The following ARAP3 variants were observed in gnomAD, a reference collection of about 807,000 sequenced individuals.
ARAP3 encodes ArfGAP with RhoGAP domain, ankyrin repeat and PH domain 3, also known as arf-GAP with Rho-GAP domain, ANK repeat and PH domain-containing protein 3.
ARAP3 carries 82 observed loss-of-function variants against 169.2 expected under a neutral mutation model. The observed-to-expected ratio is 0.48, with a 90% CI of 0.41 to 0.58. ARAP3 has a LOEUF of 0.58. Among genes scored for constraint, ARAP3 ranks in the 20% least tolerant of loss-of-function variants. The probability of loss-of-function intolerance (pLI) is 0.00; values close to 1 mark genes in which losing one functional copy is unlikely to be tolerated. For missense variants in ARAP3, 1,764 were observed against 2,018.0 expected (o/e 0.87, Z 2.41); for synonymous variants, 791 against 800.3 (o/e 0.99, Z 0.20).
chr5:141,653,842 A>G lies in ARAP3; in HGVS notation c.*108T>C, dbSNP rs1252287459. 2 of 1,451,782 alleles carry G rather than the reference A, an allele frequency of 1.4e-6. No individual in the cohort carries two copies. The highest frequency in any genetic ancestry group is 2.4e-5 in the Admixed American group (1 of 41,158). 89.9% of individuals were successfully genotyped at this position (1,451,782 alleles called of 1,614,324 possible). On this transcript the variant is annotated 3_prime_UTR_variant, in exon 33 of 33. Coordinates refer to ENST00000239440, the MANE Select transcript of ARAP3 (RefSeq NM_022481.6). The stretch of plus-strand genomic sequence containing the variant: ...TCCAGTGCTCCTTCCACAGCACCAC[A>G]CTGGATTCTGGAGTCTTTCCAGCCA...
rs897960556 is a variant in ARAP3 at position 141,656,349 on chromosome 5, A to C, written c.3790-73T>G. 5.6e-6 allele frequency: 9 copies of C among 1,602,230 alleles called. No individual in the cohort carries two copies. The South Asian group carries it at 8.8e-5, about 16-fold the overall frequency. ...GTTAATGAGGTCAAGACGTCATGGAAGCAATGGGGTCTGTGGTCACAGGGT... is the reference window on the plus strand; with the variant it reads ...GTTAATGAGGTCAAGACGTCATGGACGCAATGGGGTCTGTGGTCACAGGGT... On this transcript the variant is annotated intron_variant, in intron 27 of 32. Transcript: ENST00000239440.
chr5:141,677,686 A>G (rs1596497557), intron 4 of ARAP3, among the ~76,000 whole-genome samples: 1 of 152,092 alleles, frequency 6.6e-6, no homozygotes, highest in South Asian at 2.1e-4. Context: ...AAACCCCTCA[A>G]TGGCTTCCCA....
At chr5:141,660,419 T>G (rs1022098575) in intron 21 of ARAP3, among the ~76,000 whole-genome samples, 32 of 148,174 alleles carry the variant, frequency 2.2e-4, no homozygotes, top group Non-Finnish European at 3.9e-4. Context: ...GCGTGAACCC[T>G]GGAGGCGGAG....
In ARAP3 at chr5:141,656,827, C is replaced by T. The variant is rs759331957; in HGVS notation, c.3546G>A (p.Lys1182=). 22 of 1,613,174 alleles carry T rather than the reference C, an allele frequency of 1.4e-5. No individual in the cohort carries two copies. The Admixed American group carries it at 2.8e-4, about 21-fold the overall frequency. The change falls in exon 26 of 33, where the codon AAG becomes AAA. Residue 1182 remains lysine, a synonymous_variant. Transcript: ENST00000239440. ...HGELERPLHP[K]EKVLEQALQW... is the part of the protein sequence containing the mutation. Reference sequence around the variant, plus strand: ...GTAAAGCCTGCTCTAAGACCTTTTCCTTGGGATGCAGTGGCCGCTCTTAAG... The same window carrying T: ...GTAAAGCCTGCTCTAAGACCTTTTCTTTGGGATGCAGTGGCCGCTCTTAAG...
At chr5:141,679,471 T>C in intron 4 of ARAP3, 74 bp downstream of exon 4, 3 of 1,438,518 alleles carry the variant, frequency 2.1e-6, no homozygotes, top group Non-Finnish European at 2.9e-6. Context: ...TGCACATTTG[T>C]TGAATAACTG....
At position 141,666,500 on chromosome 5, in the gene ARAP3, G is replaced by A; in HGVS notation, c.2496C>T (p.Leu832=). 6.2e-7 allele frequency: 1 copy of A among 1,604,412 alleles called. No individual in the cohort carries two copies. The highest frequency in any genetic ancestry group is 1.1e-5 in the South Asian group (1 of 89,194). The change falls in exon 17 of 33, where the codon CTC becomes CTT. Residue 832 remains leucine (L), a synonymous_variant. Coordinates refer to ENST00000239440, the MANE Select transcript of ARAP3 (RefSeq NM_022481.6). ...CTGGGCCCGGCGCTGAGCACAGGAA[G>A]AGGTGGTCACCACGAAGGAGGCCAA... ...SGFGLLRGDH[L]FLCSAPGPGP...
chr5:141,658,532 GA>G, intron 24 of ARAP3, 46 bp downstream of exon 24: 4 of 1,613,796 alleles, frequency 2.5e-6, no homozygotes, highest in Non-Finnish European at 3.4e-6. Flanking sequence ...ATTGCCCCTG[GA>G]ACCTCACTAT....
At chr5:141,680,840 G>A (rs2099912865) in intron 1 of ARAP3, 1 of 302,738 alleles carries the variant, frequency 3.3e-6, no homozygotes. Context: ...ACATCCAACT[G>A]AGTAAGCATG....
rs757267865 is a variant in ARAP3, at chr5:141,671,229, C to A, written c.1990+36G>T. On this transcript the variant is annotated intron_variant, in intron 13 of 32. Coordinates refer to ENST00000239440, the MANE Select transcript of ARAP3 (RefSeq NM_022481.6). This position sits in a 1 kb window ranked among gnomAD's most constrained non-coding sequence, Gnocchi z 4.9. Reference sequence around the variant, plus strand: ...GAATCATAGGTTGGGTCTGAGAATTCCTGTAGGGGAGAGAGGAGGCACTTG... The same window carrying A: ...GAATCATAGGTTGGGTCTGAGAATTACTGTAGGGGAGAGAGGAGGCACTTG... 4.5e-6 allele frequency: 7 copies of A among 1,558,860 alleles called. No homozygotes were observed. The African/African-American group carries it at 8.2e-5, about 18-fold the overall frequency.
At chr5:141,666,931 T>G (rs2099910730) in intron 16 of ARAP3, among the ~76,000 whole-genome samples, 1 of 152,034 alleles carries the variant, frequency 6.6e-6, no homozygotes, top group South Asian at 2.1e-4. Context: ...TTAATTGAGG[T>G]GTGGGTATAA....
At chr5:141,660,123 A>G (rs2154598769) in intron 21 of ARAP3, among the ~76,000 whole-genome samples, 197 bp from the exon 22 acceptor site, 1 of 152,330 alleles carries the variant, frequency 6.6e-6, no homozygotes, top group Non-Finnish European at 1.5e-5. Context: ...GATAGTAGAC[A>G]TTTTAGGCTT....
At chr5:141,667,357 T>C (rs1354226571) in intron 16 of ARAP3, among the ~76,000 whole-genome samples, 2 of 152,088 alleles carry the variant, frequency 1.3e-5, no homozygotes, top group African/African-American at 4.8e-5. Flanking sequence ...TGCAGTAAAT[T>C]GCAGTAAAGG....
chr5:141,658,736 A>G (rs2099909548), intron 23 of ARAP3, 83 bp from the exon 24 acceptor site: 6 of 1,237,980 alleles, frequency 4.8e-6, no homozygotes, highest in African/African-American at 3.1e-5. Flanking sequence ...GTGTTGCCTC[A>G]TAAGTGACTC....
At chr5:141,659,730 G>A in intron 22 of ARAP3, 49 bp downstream of exon 22, 6 of 1,584,206 alleles carry the variant, frequency 3.8e-6, no homozygotes, top group Non-Finnish European at 5.2e-6. Flanking sequence ...TCTGGGTCCT[G>A]CAAGGGTAGG....
chr5:141,670,470 C>T (rs748150060), intron 14 of ARAP3, 42 bp downstream of exon 14: 34 of 1,584,620 alleles, frequency 2.1e-5, no homozygotes, highest in Non-Finnish European at 2.7e-5. Context: ...CACCCATCCA[C>T]TTTCTGTCCC....
intron 23 of ARAP3, among the ~76,000 whole-genome samples, chr5:141,658,904 T>G (rs893956426): frequency 6.6e-6 from 1 of 152,162 alleles, no homozygotes; most frequent in Non-Finnish European, 1.5e-5. Context: ...CTGGTCTCTC[T>G]GCCACTCGCT....
intron 16 of ARAP3, among the ~76,000 whole-genome samples, chr5:141,668,155 G>A (rs1484077630): frequency 6.6e-6 from 1 of 152,068 alleles, no homozygotes; most frequent in Non-Finnish European, 1.5e-5. Flanking sequence ...ACTTAGGCTG[G>A]AGTGCAGTGG....
rs766925606 is a variant in ARAP3 at position 141,679,556 on chromosome 5, C to T, written c.687G>A (p.Arg229=). 6.2e-7 allele frequency: 1 copy of T among 1,614,132 alleles called. No homozygotes were observed. The highest frequency in any genetic ancestry group is 1.1e-5 in the South Asian group (1 of 91,072). The stretch of plus-strand genomic sequence containing the variant: ...TATTTAGTACTCACCTGTGTTCAGC[C>T]CTGCCCTGACAAACACCTCTGCTCT... The part of the protein sequence containing the change: ...RRESRGVCQG[R]AEHRLSRQDL... The change falls in exon 4 of 33, where the codon AGG becomes AGA. Residue 229 remains arginine (R), a synonymous_variant. Coordinates refer to ENST00000239440, the MANE Select transcript of ARAP3 (RefSeq NM_022481.6).
Position 141,671,478 on chromosome 5 carries a change from A to C in ARAP3, c.1855-78T>G. 1.9e-6 allele frequency: 3 copies of C among 1,601,142 alleles called. No individual in the cohort carries two copies. Among genetic ancestry groups the C allele is most frequent in the Non-Finnish European group, 2.6e-6 (3 of 1,174,116 alleles). Reference sequence around the variant, plus strand: ...GGGGACAGTCGTATCATCACTAAAAACAGTCCCCACCACCCAAGTCTAGGC... The same window carrying C: ...GGGGACAGTCGTATCATCACTAAAACCAGTCCCCACCACCCAAGTCTAGGC... On this transcript the variant is annotated intron_variant, in intron 12 of 32. Coordinates refer to ENST00000239440, the MANE Select transcript of ARAP3 (RefSeq NM_022481.6). The surrounding 1 kb of genome is among the most constrained non-coding windows in gnomAD (Gnocchi z 4.9).
Sources: allele counts gnomAD v4.1 joint callset (sites outside exome capture counted in the v4.1 genomes callset), GRCh38; gene constraint gnomAD v4.1.1; non-coding constraint Gnocchi (gnomAD v3.1); transcripts MANE v1.5; gene names NCBI Gene and HGNC (gene_info 2026-07-23, HGNC 2026-07-21).